The following COL21A1 variants were observed in gnomAD, a reference collection of about 807,000 sequenced individuals.
COL21A1 encodes collagen type XXI alpha 1 chain, also known as collagen alpha-1(XXI) chain.
COL21A1 carries 149 observed loss-of-function variants against 137.9 expected under a neutral mutation model. That is an observed-to-expected ratio of 1.08 (90% CI 0.95 to 1.24). COL21A1 has a LOEUF of 1.24. COL21A1 is among the 50% of genes most tolerant of loss of function. COL21A1 has a pLI of 0.00. For synonymous variants in COL21A1, 456 were observed against 391.5 expected, an observed-to-expected ratio of 1.16 and a Z score of -1.95; for missense variants, 1,167 against 1,158.4, an observed-to-expected ratio of 1.01 and a Z score of -0.11.
rs1248078363 is a variant in COL21A1 at position 56,067,395 on chromosome 6, A to G, written c.2092-65T>C. The G allele has an allele frequency of 1.7e-5, 24 of 1,445,236 alleles. No homozygotes were observed. In the South Asian group the frequency reaches 1.7e-4, roughly 10 times the overall value. 89.5% of individuals were successfully genotyped at this position (1,445,236 alleles called of 1,614,324 possible). Reference sequence around the variant, plus strand: ...ATTCTGTACAGTTTCAAATAAACATATATTTTTCTCTGCTGAAGAAAAACA... The same window carrying G: ...ATTCTGTACAGTTTCAAATAAACATGTATTTTTCTCTGCTGAAGAAAAACA... On this transcript the variant is annotated intron_variant, in intron 22 of 29. Transcript: ENST00000244728.
intron 1 of COL21A1, among the ~76,000 whole-genome samples, chr6:56,295,716 T>C (rs1448753211): frequency 6.6e-6 from 1 of 151,756 alleles, no homozygotes; most frequent in East Asian, 1.9e-4. Flanking sequence ...AGTATTATAT[T>C]TTTAACTTTA....
chr6:56,108,228 C>T (rs2152181870), intron 16 of COL21A1, among the ~76,000 whole-genome samples: 1 of 151,896 alleles, frequency 6.6e-6, no homozygotes, highest in East Asian at 1.9e-4. Flanking sequence ...AACAAAATTA[C>T]AACGTGAGTA....
intron 1 of COL21A1, among the ~76,000 whole-genome samples, chr6:56,301,983 G>C (rs1040761713): frequency 6.6e-6 from 1 of 151,970 alleles, no homozygotes; most frequent in Non-Finnish European, 1.5e-5. Flanking sequence ...GCGGTGTTTG[G>C]TTTTTTGTCC....
intron 16 of COL21A1, among the ~76,000 whole-genome samples, chr6:56,119,436 A>G (rs1003274624): frequency 6.6e-6 from 1 of 152,186 alleles, no homozygotes; most frequent in Non-Finnish European, 1.5e-5. Context: ...AAAATATTTC[A>G]TGTTCATGGG....
intron 1 of COL21A1, among the ~76,000 whole-genome samples, chr6:56,370,857 C>T (rs912300020): frequency 2.6e-5 from 4 of 152,216 alleles, no homozygotes; most frequent in Non-Finnish European, 4.4e-5. Context: ...AGAACAATTA[C>T]ATCAGTTCCT....
At chr6:56,317,564 C>T (rs551257603) in intron 1 of COL21A1, among the ~76,000 whole-genome samples, 6 of 152,296 alleles carry the variant, frequency 3.9e-5, no homozygotes, top group Non-Finnish European at 7.3e-5. Context: ...TCATTGACCA[C>T]CTTCCTCTCC....
At chr6:56,084,625 C>A (rs929371667) in intron 17 of COL21A1, among the ~76,000 whole-genome samples, 1 of 151,920 alleles carries the variant, frequency 6.6e-6, no homozygotes. Flanking sequence ...GTCAAATATA[C>A]AATACATAAT....
At chr6:56,371,698 T>C (rs1056712745) in intron 1 of COL21A1, among the ~76,000 whole-genome samples, 6 of 152,244 alleles carry the variant, frequency 3.9e-5, no homozygotes, top group African/African-American at 1.2e-4. Flanking sequence ...GAACACTATA[T>C]CCACAGGAGT....
intron 7 of COL21A1, 50 bp from the exon 8 acceptor site, chr6:56,164,872 TA>T: frequency 7.5e-7 from 1 of 1,334,818 alleles, no homozygotes; most frequent in Non-Finnish European, 1.0e-6. Context: ...ATAAAATTTA[TA>T]AATTATCAGC....
chr6:56,069,799 T>G (rs58139797), intron 21 of COL21A1, among the ~76,000 whole-genome samples: 5 of 151,130 alleles, frequency 3.3e-5, no homozygotes, highest in African/African-American at 1.2e-4. Flanking sequence ...ATTCTTATTG[T>G]TAAACATTAC....
chr6:56,190,442 G>A (rs937869888), intron 1 of COL21A1, among the ~76,000 whole-genome samples: 4 of 152,174 alleles, frequency 2.6e-5, no homozygotes, highest in African/African-American at 9.7e-5. Context: ...AATTGAGGCA[G>A]TAATTAATAG....
At chr6:56,358,133 G>GTA (rs1215485734) in intron 1 of COL21A1, among the ~76,000 whole-genome samples, 1 of 151,724 alleles carries the variant, frequency 6.6e-6, no homozygotes, top group African/African-American at 2.4e-5. Flanking sequence ...TTTCTAAGGG[G>GTA]TATATAAAAT....
chr6:56,377,313 A>G (rs1291184946), intron 1 of COL21A1, among the ~76,000 whole-genome samples: 1 of 151,914 alleles, frequency 6.6e-6, no homozygotes, highest in East Asian at 2.0e-4. Flanking sequence ...TAAATCACAG[A>G]TGTCATCCCT....
At chr6:56,111,189 G>A (rs377008048) in intron 16 of COL21A1, among the ~76,000 whole-genome samples, 1 of 149,834 alleles carries the variant, frequency 6.7e-6, no homozygotes, top group Admixed American at 6.6e-5. Flanking sequence ...CTAATCATGA[G>A]GAAAGCATGA....
At chr6:56,064,862 A>G (rs966913228) in intron 23 of COL21A1, among the ~76,000 whole-genome samples, 3 of 152,090 alleles carry the variant, frequency 2.0e-5, no homozygotes, top group African/African-American at 7.2e-5. Flanking sequence ...GATTTGGGTG[A>G]AACATGTAAA....
At chr6:56,064,450 T>C in intron 24 of COL21A1, 128 bp downstream of exon 24, 1 of 611,724 alleles carries the variant, frequency 1.6e-6, no homozygotes, top group Non-Finnish European at 2.9e-6. Flanking sequence ...TTCAACCTTA[T>C]ATGCTTAGAA....
intron 17 of COL21A1, among the ~76,000 whole-genome samples, chr6:56,080,954 C>T (rs1433293177): frequency 2.6e-5 from 4 of 151,658 alleles, no homozygotes; most frequent in Non-Finnish European, 5.9e-5. Flanking sequence ...GTCAGCCAGC[C>T]CATGTCCTAA....
At chr6:56,366,605 T>A (rs1373266556) in intron 1 of COL21A1, among the ~76,000 whole-genome samples, 2 of 152,240 alleles carry the variant, frequency 1.3e-5, no homozygotes, top group East Asian at 1.9e-4. Context: ...CTTGTGGAGC[T>A]CTGCCCCCTC....
At chr6:56,384,237 G>A (rs2094013666) in intron 1 of COL21A1, among the ~76,000 whole-genome samples, 2 of 152,096 alleles carry the variant, frequency 1.3e-5, no homozygotes, top group South Asian at 4.1e-4. Context: ...CCATGAGTGG[G>A]GTACAGTACC....
Sources: gnomAD v4.1 joint callset for allele counts (sites outside exome capture counted in the v4.1 genomes callset) on GRCh38, gnomAD v4.1.1 for gene constraint, MANE v1.5 for transcripts, NCBI Gene and HGNC (gene_info 2026-07-23, HGNC 2026-07-21) for gene names.